OR14A2: variants seen among roughly 807,000 people sequenced by gnomAD.
OR14A2 encodes the protein olfactory receptor 14A2.
For missense variants in OR14A2, 237 were observed against 152.9 expected (o/e 1.55, Z -2.90); for synonymous variants, 114 against 58.6 (o/e 1.95, Z -4.32).
chr1:247,732,515 A>G, the OR14A2 span, among the ~76,000 whole-genome samples: 1 of 152,152 alleles, frequency 6.6e-6, no homozygotes, highest in Non-Finnish European at 1.5e-5. Context: ...GCTCTTTCCT[A>G]GTCCATCTTA....
At chr1:247,747,715 T>G in the OR14A2 span, among the ~76,000 whole-genome samples, 5 of 152,162 alleles carry the variant, frequency 3.3e-5, no homozygotes, top group African/African-American at 1.2e-4. Context: ...GTCTCAGTAT[T>G]TACGTAAGTG....
the OR14A2 span, chr1:247,746,152 A>C: frequency 6.6e-6 from 1 of 152,216 alleles, no homozygotes; most frequent in Non-Finnish European, 1.5e-5. Context: ...TTTTCTTTGC[A>C]ACCCTAGTTG....
upstream of OR14A2, among the ~76,000 whole-genome samples, chr1:247,727,409 C>T (rs956397207): frequency 2.6e-4 from 40 of 152,050 alleles, no homozygotes; most frequent in African/African-American, 8.7e-4. Context: ...GCTGAAGTTG[C>T]TTATCAGCTT....
chr1:247,724,030 G>A, exon 1 of OR14A2: 1 of 711,630 alleles, frequency 1.4e-6, no homozygotes, highest in Admixed American at 2.0e-5. Context: ...TGTCACCAAG[G>A]TGACATTGGC....
chr1:247,725,618 T>G (rs1289839219), upstream of OR14A2, among the ~76,000 whole-genome samples: 1 of 146,388 alleles, frequency 6.8e-6, no homozygotes, highest in Non-Finnish European at 1.5e-5. Context: ...GCCATGCTGG[T>G]GCGCTGCACC....
exon 1 of OR14A2, chr1:247,723,837 G>A (rs1396385986): frequency 1.3e-5 from 9 of 717,762 alleles, no homozygotes; most frequent in Non-Finnish European, 2.3e-5. Flanking sequence ...ACACCAGGAA[G>A]ACATCCAAAA....
chr1:247,735,111 C>T, the OR14A2 span, among the ~76,000 whole-genome samples: 3 of 152,142 alleles, frequency 2.0e-5, no homozygotes, highest in East Asian at 1.9e-4. Flanking sequence ...GTTGAAAATT[C>T]GGTGCTCTTG....
At chr1:247,734,327 G>T in the OR14A2 span, among the ~76,000 whole-genome samples, 1 of 152,218 alleles carries the variant, frequency 6.6e-6, no homozygotes, top group African/African-American at 2.4e-5. Context: ...GGCAGCTGAC[G>T]TCTTGATCTC....
chr1:247,727,074 T>G (rs1349503422), upstream of OR14A2, among the ~76,000 whole-genome samples: 1 of 150,808 alleles, frequency 6.6e-6, no homozygotes, highest in Non-Finnish European at 1.5e-5. Flanking sequence ...GTGAAGAAAG[T>G]CATTGGTAGC....
upstream of OR14A2, among the ~76,000 whole-genome samples, chr1:247,727,909 G>T: frequency 1.4e-5 from 2 of 144,350 alleles, no homozygotes; most frequent in Admixed American, 6.7e-5. Context: ...AATAACAGGA[G>T]CTGAAATTGT....
At chr1:247,723,792 T>G (rs1660264204) in exon 1 of OR14A2, 1 of 718,130 alleles carries the variant, frequency 1.4e-6, no homozygotes, top group Non-Finnish European at 2.6e-6. Context: ...TGTTGTGGGT[T>G]AGGTTGTTGA....
the OR14A2 span, chr1:247,738,829 T>G: frequency 1.3e-6 from 1 of 780,802 alleles, no homozygotes; most frequent in Non-Finnish European, 2.4e-6. Context: ...CTGTGTCTCA[T>G]TTCTGCCACA....
exon 1 of OR14A2, chr1:247,723,878 G>C: frequency 1.4e-6 from 1 of 717,588 alleles, no homozygotes; most frequent in Non-Finnish European, 2.6e-6. Context: ...AAGTACATGG[G>C]TGTTTGGAGC....
rs972327978 is a variant in OR14A2 at position 247,723,405 on chromosome 1, C to G, written c.639G>C (p.Val213=). ...TGGAGAAGATATAAATGTAAGAGAT[C>G]ACAATACAGATGAAACAAGAAATGC... The change falls in exon 1 of 1, where the codon GTG becomes GTC. Residue 213 remains valine (V), a synonymous_variant. Coordinates refer to ENST00000366485, the Ensembl canonical transcript of OR14A2. 8.4e-6 allele frequency: 6 copies of G among 717,314 alleles called. No individual in the cohort carries two copies. In the African/African-American group the frequency reaches 8.7e-5, roughly 10 times the overall value. The allele number at this position is 717,314 out of a possible 1,614,324, so 44.4% of individuals were successfully genotyped here.
At chr1:247,731,772 AT>A in the OR14A2 span, among the ~76,000 whole-genome samples, 17 of 151,412 alleles carry the variant, frequency 1.1e-4, no homozygotes, top group African/African-American at 2.9e-4. Context: ...TTGAAAACAT[AT>A]TTTTTTTTCT....
chr1:247,728,578 T>A (rs11807588), upstream of OR14A2, among the ~76,000 whole-genome samples: 20,036 of 151,690 alleles, frequency 0.13, 2,399 homozygotes, highest in African/African-American at 0.32. Flanking sequence ...GGCCCGGGCA[T>A]TTAGGCAGGA....
chr1:247,732,736 A>G, the OR14A2 span, among the ~76,000 whole-genome samples: 1 of 152,218 alleles, frequency 6.6e-6, no homozygotes, highest in Non-Finnish European at 1.5e-5. Flanking sequence ...AGTATACTTC[A>G]ACAATGCAGT....
downstream of OR14A2, chr1:247,723,022 G>T (rs539234095): frequency 2.5e-4 from 152 of 618,594 alleles, no homozygotes; most frequent in Middle Eastern, 7.7e-4. Flanking sequence ...TCTTTTCTCA[G>T]GTCTTTCCAA....
the OR14A2 span, among the ~76,000 whole-genome samples, chr1:247,735,831 T>C: frequency 6.6e-6 from 1 of 152,066 alleles, no homozygotes; most frequent in Non-Finnish European, 1.5e-5. Flanking sequence ...AGGAAACTGT[T>C]TGCAGCATTC....
Sources: gnomAD v4.1 joint callset for allele counts (sites outside exome capture counted in the v4.1 genomes callset) on GRCh38, gnomAD v4.1.1 for gene constraint, MANE v1.5 for transcripts, NCBI Gene and HGNC (gene_info 2026-07-23, HGNC 2026-07-21) for gene names.